The following PSME4 variants were observed in gnomAD, a reference collection of about 807,000 sequenced individuals.
The protein encoded by PSME4 is proteasome activator subunit 4.
A neutral mutation model predicts 253.9 loss-of-function variants in PSME4; 89 were observed. The observed-to-expected ratio is 0.35, with a 90% CI of 0.30 to 0.42. The LOEUF is 0.42. Ranked by LOEUF, PSME4 falls within the 10% of genes least tolerant of loss-of-function variation. The pLI is 1.00. For missense variants in PSME4, 2,014 were observed against 2,195.2 expected, an observed-to-expected ratio of 0.92 and a Z score of 1.65; for synonymous variants, 851 against 759.2, an observed-to-expected ratio of 1.12 and a Z score of -1.99.
At chr2:53,966,297 A>G (rs1670733501) in intron 1 of PSME4, among the ~76,000 whole-genome samples, 1 of 152,128 alleles carries the variant, frequency 6.6e-6, no homozygotes, top group Non-Finnish European at 1.5e-5. Flanking sequence ...AAATATAAAA[A>G]TAAAAAATAA....
chr2:53,873,694 A>T (rs1678998665), intron 43 of PSME4, among the ~76,000 whole-genome samples: 1 of 152,258 alleles, frequency 6.6e-6, no homozygotes, highest in Non-Finnish European at 1.5e-5. Flanking sequence ...ACTGGATAGC[A>T]GCGCCTATGT....
In PSME4 at chr2:53,877,247, C is replaced by CAAA. The variant is rs1204678801; in HGVS notation, c.4816-1495_4816-1493dup. Among the ~76,000 whole-genome samples the CAAA allele has an allele frequency of 4.5e-3, 221 of 49,652 alleles. 2 individuals are homozygous for CAAA. Among genetic ancestry groups the CAAA allele is most frequent in the Non-Finnish European group, 7.2e-3 (161 of 22,422 alleles). 32.6% of individuals were successfully genotyped at this position (49,652 alleles called of 152,430 possible). ...ATAACAGAGCAAGATCCTGCCTCTA[C>CAAA]AAAAAAAAAAAAAAAAAAAAAAATT... is the stretch of plus-strand genomic sequence containing the variant. On this transcript the variant is annotated intron_variant, in intron 41 of 46. Transcript: ENST00000404125.
At chr2:53,942,307 TA>T (rs1669489782) in intron 3 of PSME4, 1 of 152,480 alleles carries the variant, frequency 6.6e-6, no homozygotes, top group African/African-American at 2.4e-5. Flanking sequence ...GAATAATCAC[TA>T]AATACTTTCC....
chr2:53,868,449 T>C (rs1678679476), intron 44 of PSME4, among the ~76,000 whole-genome samples: 1 of 140,326 alleles, frequency 7.1e-6, no homozygotes, highest in Admixed American at 7.3e-5. Flanking sequence ...AAGATCCTGT[T>C]TCCAAAAAAT....
At chr2:53,925,743 T>C (rs965192523) in intron 13 of PSME4, 54 bp from the exon 14 acceptor site, 35 of 1,540,198 alleles carry the variant, frequency 2.3e-5, no homozygotes, top group Non-Finnish European at 3.0e-5. Flanking sequence ...GTTTGACATT[T>C]TTGGTGGTCA....
In PSME4 at chr2:53,932,773, A is replaced by G. The variant is rs750297419; in HGVS notation, c.958-13T>C. The G allele has an allele frequency of 1.2e-6, 2 of 1,602,644 alleles. No homozygotes were observed. The highest frequency in any genetic ancestry group is 1.7e-6 in the Non-Finnish European group (2 of 1,169,604). On this transcript the variant is annotated splice_polypyrimidine_tract_variant and intron_variant, in intron 8 of 46. Coordinates refer to ENST00000404125, the MANE Select transcript of PSME4 (RefSeq NM_014614.3). Reference sequence around the variant, plus strand: ...TACTTGGTCCACCCTGTCCAGATAAAAGAGTAAAAATGTCAGTACCCACAT... The same window carrying G: ...TACTTGGTCCACCCTGTCCAGATAAGAGAGTAAAAATGTCAGTACCCACAT...
In PSME4 at chr2:53,888,820, T is replaced by G; in HGVS notation, c.4297-8A>C. The G allele has an allele frequency of 6.3e-7, 1 of 1,591,988 alleles. No individual in the cohort carries two copies. The highest frequency in any genetic ancestry group is 8.6e-7 in the Non-Finnish European group (1 of 1,160,570). On this transcript the variant is annotated splice_polypyrimidine_tract_variant and splice_region_variant and intron_variant, in intron 37 of 46. Coordinates refer to ENST00000404125, the MANE Select transcript of PSME4 (RefSeq NM_014614.3). Reference sequence around the variant, plus strand: ...CCGGGGATCTCTGCTTTCCTGTGTTTAAAATATGATGTAACAGTTCAACAG... The same window carrying G: ...CCGGGGATCTCTGCTTTCCTGTGTTGAAAATATGATGTAACAGTTCAACAG...
chr2:53,950,567 C>T (rs574742776), intron 1 of PSME4, among the ~76,000 whole-genome samples: 1 of 151,812 alleles, frequency 6.6e-6, no homozygotes, highest in South Asian at 2.1e-4. Flanking sequence ...AATGGCCAGG[C>T]ACAGTGGCTC....
intron 1 of PSME4, among the ~76,000 whole-genome samples, chr2:53,967,512 C>T (rs1051737620): frequency 6.6e-6 from 1 of 151,522 alleles, no homozygotes; most frequent in African/African-American, 2.4e-5. Flanking sequence ...CGTGGCAGCG[C>T]ACAACTGTAA....
chr2:53,904,344 C>CA (rs1215054802), intron 26 of PSME4, among the ~76,000 whole-genome samples, 188 bp from the exon 27 acceptor site: 1 of 152,108 alleles, frequency 6.6e-6, no homozygotes, highest in Admixed American at 6.6e-5. Flanking sequence ...AAGCACAATA[C>CA]CACCGACCAT....
chr2:53,966,765 G>A (rs1303585837), intron 1 of PSME4, among the ~76,000 whole-genome samples: 6 of 151,812 alleles, frequency 4.0e-5, no homozygotes, highest in Admixed American at 6.6e-5. Flanking sequence ...CTGGAGTGGC[G>A]CTTGGCTCAC....
chr2:53,892,915 G>A lies in PSME4; in HGVS notation c.4084C>T (p.Pro1362Ser), dbSNP rs1219632984. 3 of 1,613,670 alleles carry A rather than the reference G, an allele frequency of 1.9e-6. No homozygotes were observed. The highest frequency in any genetic ancestry group is 2.5e-6 in the Non-Finnish European group (3 of 1,179,794). Residue 1362 changes from proline to serine, a missense_variant, in exon 36 of 47, where the codon CCC becomes TCC. Physicochemically the swap from Pro to Ser is moderately conservative, Grantham distance 74. Coordinates refer to ENST00000404125, the MANE Select transcript of PSME4 (RefSeq NM_014614.3). ...TCTGCAACCAAATGTTCTAAATGGG[G>A]CTTCAGAACTGGCAGGAAGGCATCA... ...FDDAFLPVLK[P>S]HLEHLVADSH...
intron 3 of PSME4, among the ~76,000 whole-genome samples, chr2:53,940,806 T>C (rs1428250417): frequency 6.8e-6 from 1 of 147,042 alleles, no homozygotes; most frequent in African/African-American, 2.5e-5. Context: ...ACTTACAGTA[T>C]GATATGTACA....
chr2:53,910,283 A>G (rs905081856), intron 20 of PSME4, among the ~76,000 whole-genome samples, 153 bp from the exon 21 acceptor site: 5 of 152,208 alleles, frequency 3.3e-5, no homozygotes, highest in African/African-American at 9.6e-5. Flanking sequence ...AAATCAATCT[A>G]TCTTTCTCAA....
intron 1 of PSME4, among the ~76,000 whole-genome samples, chr2:53,961,635 G>T (rs1284267427): frequency 6.6e-6 from 1 of 151,914 alleles, no homozygotes; most frequent in Non-Finnish European, 1.5e-5. Flanking sequence ...CTGTGACAGC[G>T]CCACTGCACT....
chr2:53,881,332 T>G (rs1480171056), intron 41 of PSME4: 1 of 152,232 alleles, frequency 6.6e-6, no homozygotes, highest in Non-Finnish European at 1.5e-5. Flanking sequence ...TGGATTTTGA[T>G]GAGCATTTTC....
intron 43 of PSME4, among the ~76,000 whole-genome samples, chr2:53,873,238 C>CAAAAAAAAAAAAAAAGAA (rs60203960): frequency 8.1e-6 from 1 of 123,154 alleles, no homozygotes; most frequent in Non-Finnish European, 1.6e-5. Context: ...GACTCCGTCT[C>CAAAAAAAAAAAAAAAGAA]AAAAAAAAAG....
intron 11 of PSME4, 79 bp from the exon 12 acceptor site, chr2:53,927,562 T>A: frequency 1.0e-6 from 1 of 991,960 alleles, no homozygotes. Context: ...CTACAATAAA[T>A]TACCCCAATA....
At chr2:53,868,357 C>A (rs114176568) in intron 44 of PSME4, among the ~76,000 whole-genome samples, 2,013 of 150,946 alleles carry the variant, frequency 0.013, 18 homozygotes, top group Middle Eastern at 0.02. Flanking sequence ...CTAACAGGGG[C>A]ATGAGAATCG....
Sources: allele counts gnomAD v4.1 joint callset (sites outside exome capture counted in the v4.1 genomes callset), GRCh38; gene constraint gnomAD v4.1.1; transcripts MANE v1.5; gene names NCBI Gene and HGNC (gene_info 2026-07-23, HGNC 2026-07-21).